The following ADAMTS20 variants were observed in gnomAD, a reference collection of about 807,000 sequenced individuals.
ADAMTS20 encodes A disintegrin and metalloproteinase with thrombospondin motifs 20.
Under a neutral mutation model 260.1 loss-of-function variants are expected in ADAMTS20, and 225 were observed. That is an observed-to-expected ratio of 0.87 (90% CI 0.78 to 0.97). The LOEUF (loss-of-function observed/expected upper bound fraction) is 0.97. Among genes scored for constraint, ADAMTS20 ranks in the 50% least tolerant of loss-of-function variants. ADAMTS20 has a pLI of 0.00. For synonymous variants in ADAMTS20, 802 were observed against 769.5 expected, an observed-to-expected ratio of 1.04 and a Z score of -0.70; for missense variants, 2,400 against 2,337.7, an observed-to-expected ratio of 1.03 and a Z score of -0.55.
chr12:43,498,837 A>C (rs1022780124), intron 4 of ADAMTS20, among the ~76,000 whole-genome samples: 2 of 152,188 alleles, frequency 1.3e-5, no homozygotes, highest in African/African-American at 4.8e-5. Context: ...AAACTGATCA[A>C]GTTCCAGGTA....
chr12:43,358,773 C>T (rs1336978350), intron 37 of ADAMTS20, among the ~76,000 whole-genome samples: 2 of 141,074 alleles, frequency 1.4e-5, no homozygotes, highest in East Asian at 2.1e-4. Flanking sequence ...GGAGGCGGAG[C>T]TTGCAGTGAG....
intron 3 of ADAMTS20, among the ~76,000 whole-genome samples, chr12:43,527,171 A>T (rs1943154640): frequency 6.6e-6 from 1 of 152,180 alleles, no homozygotes; most frequent in African/African-American, 2.4e-5. Context: ...GACCAATAAC[A>T]TGCAGTAAAA....
At chr12:43,536,714 T>G (rs1798441761) in intron 2 of ADAMTS20, among the ~76,000 whole-genome samples, 1 of 152,112 alleles carries the variant, frequency 6.6e-6, no homozygotes, top group African/African-American at 2.4e-5. Flanking sequence ...GAGAGAACAG[T>G]GAGGCTGCAG....
At chr12:43,489,831 T>G (rs752482634) in intron 7 of ADAMTS20, among the ~76,000 whole-genome samples, 4 of 151,962 alleles carry the variant, frequency 2.6e-5, no homozygotes, top group Non-Finnish European at 5.9e-5. Flanking sequence ...AGATGAAATA[T>G]ATAACAGTGA....
intron 19 of ADAMTS20, among the ~76,000 whole-genome samples, chr12:43,433,206 T>A (rs1033799731): frequency 1.3e-5 from 2 of 152,204 alleles, no homozygotes; most frequent in African/African-American, 4.8e-5. Context: ...ACTACATCAA[T>A]AAAAATAAAG....
chr12:43,364,062 G>A (rs1325176139), intron 37 of ADAMTS20, among the ~76,000 whole-genome samples: 1 of 152,102 alleles, frequency 6.6e-6, no homozygotes, highest in Non-Finnish European at 1.5e-5. Context: ...TAAGACTATT[G>A]TTATCCCTGA....
chr12:43,492,653 A>G (rs1942621038), intron 5 of ADAMTS20, 24 bp from the exon 6 acceptor site: 1 of 1,611,518 alleles, frequency 6.2e-7, no homozygotes, highest in African/African-American at 1.3e-5. Flanking sequence ...GCAATGCAAT[A>G]CTATGTCAAA....
intron 4 of ADAMTS20, among the ~76,000 whole-genome samples, chr12:43,496,408 A>T (rs1337104945): frequency 6.6e-6 from 1 of 152,204 alleles, no homozygotes; most frequent in Non-Finnish European, 1.5e-5. Flanking sequence ...ACTTTATCTG[A>T]TCTTTATTCA....
intron 29 of ADAMTS20, among the ~76,000 whole-genome samples, chr12:43,395,755 T>C (rs1253073152): frequency 1.4e-5 from 2 of 142,856 alleles, no homozygotes; most frequent in Admixed American, 7.3e-5. Flanking sequence ...TATCTGACCA[T>C]ACTTCTTAGG....
chr12:43,368,162 A>G (rs1406523667), intron 37 of ADAMTS20, among the ~76,000 whole-genome samples: 3 of 152,098 alleles, frequency 2.0e-5, no homozygotes, highest in African/African-American at 4.8e-5. Context: ...GATGTTTTAC[A>G]GACAGAAATT....
At chr12:43,503,516 A>T (rs1026214412) in intron 3 of ADAMTS20, among the ~76,000 whole-genome samples, 40 of 151,984 alleles carry the variant, frequency 2.6e-4, no homozygotes, top group Admixed American at 2.6e-3. Flanking sequence ...CCACAGATGA[A>T]TTTTTTTTAA....
chr12:43,489,195 G>C (rs762903264), intron 7 of ADAMTS20, among the ~76,000 whole-genome samples: 12 of 148,090 alleles, frequency 8.1e-5, no homozygotes, highest in Non-Finnish European at 1.8e-4. Flanking sequence ...AGGATAATAT[G>C]TTTAGACCTT....
intron 37 of ADAMTS20, 77 bp from the exon 38 acceptor site, chr12:43,356,665 A>AATTG: frequency 5.1e-6 from 5 of 985,812 alleles, no homozygotes; most frequent in South Asian, 1.4e-5. Flanking sequence ...TCTCAATTGC[A>AATTG]AGGGGCAACT....
chr12:43,440,467 C>G (rs1941642299), intron 16 of ADAMTS20, among the ~76,000 whole-genome samples: 1 of 152,132 alleles, frequency 6.6e-6, no homozygotes, highest in Non-Finnish European at 1.5e-5. Context: ...TTTTAAAGTT[C>G]AAATCCTTTT....
At chr12:43,378,796 A>G (rs1940285934) in intron 31 of ADAMTS20, among the ~76,000 whole-genome samples, 2 of 152,212 alleles carry the variant, frequency 1.3e-5, no homozygotes, top group Admixed American at 1.3e-4. Context: ...ATGGAAGAGT[A>G]AGGACATCTA....
intron 3 of ADAMTS20, among the ~76,000 whole-genome samples, chr12:43,519,377 C>G (rs1943040985): frequency 6.6e-6 from 1 of 152,136 alleles, no homozygotes; most frequent in Non-Finnish European, 1.5e-5. Context: ...CTACAACCCT[C>G]TTTCCTCCCT....
chr12:43,439,876 T>C, intron 17 of ADAMTS20, 21 bp downstream of exon 17: 1 of 1,596,144 alleles, frequency 6.3e-7, no homozygotes, highest in East Asian at 2.2e-5. Flanking sequence ...CAAGTGTTAT[T>C]ACTGATGACT....
chr12:43,377,840 A>G (rs1214863950), intron 31 of ADAMTS20, among the ~76,000 whole-genome samples: 1 of 151,928 alleles, frequency 6.6e-6, no homozygotes, highest in African/African-American at 2.4e-5. Context: ...TTACCATCTT[A>G]ATTGTATGAA....
intron 9 of ADAMTS20, among the ~76,000 whole-genome samples, chr12:43,465,590 G>T (rs1158314396): frequency 2.6e-5 from 4 of 151,838 alleles, no homozygotes; most frequent in African/African-American, 9.7e-5. Context: ...AATTTTACTG[G>T]CTAAAAGGAA....
Sources: allele counts gnomAD v4.1 joint callset (sites outside exome capture counted in the v4.1 genomes callset), GRCh38; gene constraint gnomAD v4.1.1; transcripts MANE v1.5; gene names NCBI Gene and HGNC (gene_info 2026-07-23, HGNC 2026-07-21).